PRKN: variants seen among roughly 807,000 people sequenced by gnomAD.
PRKN encodes E3 ubiquitin-protein ligase parkin.
Under a neutral mutation model 59.5 loss-of-function variants are expected in PRKN, and 56 were observed. The observed-to-expected ratio is 0.94, with a 90% CI of 0.76 to 1.18. The LOEUF is 1.18. Among genes scored for constraint, PRKN ranks in the 50% most tolerant of loss-of-function variants. The pLI is 0.00. For synonymous variants in PRKN, 250 were observed against 222.1 expected (o/e 1.13, Z -1.12); for missense variants, 657 against 596.4 (o/e 1.10, Z -1.06).
chr6:161,644,524 T>C (rs1472620469), intron 7 of PRKN, among the ~76,000 whole-genome samples: 1 of 152,244 alleles, frequency 6.6e-6, no homozygotes, highest in African/African-American at 2.4e-5. Context: ...GCTACATCTT[T>C]CCCTGCCCTT....
At chr6:162,428,723 TACA>T (rs1436569887) in intron 2 of PRKN, among the ~76,000 whole-genome samples, 1 of 152,162 alleles carries the variant, frequency 6.6e-6, no homozygotes, top group Non-Finnish European at 1.5e-5. Flanking sequence ...GTCCCTCCAT[TACA>T]ACGTCTAGTA....
intron 6 of PRKN, among the ~76,000 whole-genome samples, chr6:161,951,128 G>A (rs773468549): frequency 1.6e-4 from 24 of 151,750 alleles, no homozygotes; most frequent in Non-Finnish European, 3.1e-4. Flanking sequence ...GGGTTTTTAC[G>A]TTACTATTAC....
intron 9 of PRKN, among the ~76,000 whole-genome samples, chr6:161,492,830 C>A (rs35234723): frequency 2.0e-5 from 3 of 151,994 alleles, no homozygotes; most frequent in African/African-American, 7.3e-5. Flanking sequence ...CATTGATGAA[C>A]GTGGTGTTCC....
chr6:162,702,958 G>A (rs1778210436), intron 1 of PRKN, among the ~76,000 whole-genome samples: 1 of 152,094 alleles, frequency 6.6e-6, no homozygotes, highest in Non-Finnish European at 1.5e-5. Context: ...AGTTTTTAAA[G>A]TTATTTAGGC....
In PRKN at chr6:161,427,712, C is replaced by T. The variant is rs117868418; in HGVS notation, c.1084-40835G>A. ...ACTGTGTTCTACATTTAGGCCTTTG[C>T]TGAGGTTGGAAGTATTCAAATAGAT... On this transcript the variant is annotated intron_variant, in intron 9 of 11. Coordinates refer to ENST00000366898, the MANE Select transcript of PRKN (RefSeq NM_004562.3). 3.3e-5 allele frequency among the ~76,000 whole-genome samples: 5 copies of T among 152,196 alleles called. No homozygotes were observed. In the East Asian group the frequency reaches 9.6e-4, roughly 29 times the overall value.
chr6:162,715,420 ACT>A (rs895405873), intron 1 of PRKN, among the ~76,000 whole-genome samples: 1 of 152,122 alleles, frequency 6.6e-6, no homozygotes, highest in African/African-American at 2.4e-5. Flanking sequence ...GAGGAAAATA[ACT>A]CTGTCAAGAC....
rs770937558 is a variant in PRKN, at chr6:161,588,627, C to T, written c.872-19211G>A. Reference sequence around the variant, plus strand: ...GACCTCTCGGTGCATACCGTAAAGCCCCATGATACTGATCCATGTGAGCCA... The same window carrying T: ...GACCTCTCGGTGCATACCGTAAAGCTCCATGATACTGATCCATGTGAGCCA... On this transcript the variant is annotated intron_variant, in intron 7 of 11. Coordinates refer to ENST00000366898, the MANE Select transcript of PRKN (RefSeq NM_004562.3). The surrounding 1 kb of genome is among the most constrained non-coding windows in gnomAD (Gnocchi z 5.0). 1.4e-4 allele frequency among the ~76,000 whole-genome samples: 21 copies of T among 151,846 alleles called. No individual in the cohort carries two copies. The highest frequency in any genetic ancestry group is 7.4e-5 in the Non-Finnish European group (5 of 67,968).
intron 7 of PRKN, among the ~76,000 whole-genome samples, chr6:161,665,477 C>T (rs9458331): frequency 0.1 from 15,515 of 152,200 alleles, 1,297 homozygotes; most frequent in African/African-American, 0.22. Context: ...CCAACATCTT[C>T]TACCCCTACA....
At chr6:161,630,796 T>G (rs1375455033) in intron 7 of PRKN, among the ~76,000 whole-genome samples, 1 of 152,108 alleles carries the variant, frequency 6.6e-6, no homozygotes, top group East Asian at 1.9e-4. Context: ...AAAAGACACG[T>G]GGTTCTCTGC....
intron 3 of PRKN, among the ~76,000 whole-genome samples, chr6:162,218,953 C>G (rs1777817585): frequency 6.6e-6 from 1 of 152,142 alleles, no homozygotes; most frequent in Admixed American, 6.5e-5. Flanking sequence ...AAAGGTGGAT[C>G]ACTTGAGCCC....
intron 6 of PRKN, among the ~76,000 whole-genome samples, chr6:161,809,078 C>T (rs1333242173): frequency 6.6e-6 from 1 of 152,166 alleles, no homozygotes; most frequent in African/African-American, 2.4e-5. Context: ...TGGGCTCAGG[C>T]AGTCCGCCCA....
intron 3 of PRKN, among the ~76,000 whole-genome samples, chr6:162,213,686 C>G (rs890431569): frequency 6.6e-6 from 1 of 151,898 alleles, no homozygotes; most frequent in African/African-American, 2.4e-5. Flanking sequence ...AGTGAGCTAA[C>G]ATGGTGTCAC....
chr6:161,806,458 C>A (rs1024740408), intron 6 of PRKN, among the ~76,000 whole-genome samples: 1 of 152,172 alleles, frequency 6.6e-6, no homozygotes, highest in Non-Finnish European at 1.5e-5. Flanking sequence ...GCAAAACTTC[C>A]CCAGTCAGAC....
chr6:161,708,755 C>T (rs1239790677), intron 7 of PRKN, among the ~76,000 whole-genome samples: 3 of 152,282 alleles, frequency 2.0e-5, no homozygotes, highest in East Asian at 3.9e-4. Context: ...AAGCCTAGAA[C>T]GATGCAGCGA....
intron 6 of PRKN, among the ~76,000 whole-genome samples, chr6:161,904,373 T>C (rs1778057115): frequency 7.1e-6 from 1 of 141,344 alleles, no homozygotes; most frequent in African/African-American, 2.7e-5. Flanking sequence ...TGGAGTGCAG[T>C]GGCACGATCT....
At chr6:161,637,565 C>A (rs757662953) in intron 7 of PRKN, among the ~76,000 whole-genome samples, 2 of 152,176 alleles carry the variant, frequency 1.3e-5, no homozygotes, top group Admixed American at 1.3e-4. Context: ...ACCTGCCTTT[C>A]GTGTTTCTAC....
At position 161,805,452 on chromosome 6, in the gene PRKN, GCACA is replaced by G. The variant is rs1554310490; in HGVS notation, c.735-19548_735-19545del. 4.4e-3 allele frequency among the ~76,000 whole-genome samples: 173 copies of G among 39,120 alleles called. 1 individual carries two copies. Among genetic ancestry groups the G allele is most frequent in the African/African-American group, 6.7e-3 (156 of 23,186 alleles). The allele number at this position is 39,120 out of a possible 152,430, so 25.7% of individuals were successfully genotyped here. ...CTGTGGCCTTCCTGAGTACACACAT[GCACA>G]CACACACACACACACACACACACAT... On this transcript the variant is annotated intron_variant, in intron 6 of 11. Transcript: ENST00000366898.
intron 7 of PRKN, among the ~76,000 whole-genome samples, chr6:161,759,522 A>T (rs1029319674): frequency 6.6e-6 from 1 of 152,140 alleles, no homozygotes; most frequent in Non-Finnish European, 1.5e-5. Context: ...TATTTCTAAG[A>T]TGTTAATCAT....
intron 1 of PRKN, among the ~76,000 whole-genome samples, chr6:162,609,717 T>C (rs1225521047): frequency 6.6e-6 from 1 of 152,202 alleles, no homozygotes; most frequent in East Asian, 1.9e-4. Flanking sequence ...TTAAAACACA[T>C]AAAATACATT....
Sources: gnomAD v4.1 joint callset for allele counts (sites outside exome capture counted in the v4.1 genomes callset) on GRCh38, gnomAD v4.1.1 for gene constraint, Gnocchi (gnomAD v3.1) non-coding constraint, MANE v1.5 for transcripts, NCBI Gene and HGNC (gene_info 2026-07-23, HGNC 2026-07-21) for gene names.